MED27: variants seen among roughly 807,000 people sequenced by gnomAD.
MED27 encodes mediator of RNA polymerase II transcription subunit 27.
A neutral mutation model predicts 38.2 loss-of-function variants in MED27; 30 were observed. The observed-to-expected ratio is 0.79, with a 90% confidence interval of 0.59 to 1.07. The LOEUF (loss-of-function observed/expected upper bound fraction) is 1.07. Among genes scored for constraint, MED27 ranks in the 50% least tolerant of loss-of-function variants. The probability of loss-of-function intolerance (pLI) is 0.00; values close to 1 mark genes in which losing one functional copy is unlikely to be tolerated. For synonymous variants in MED27, 122 were observed against 153.5 expected (o/e 0.79, Z 1.52); for missense variants, 289 against 397.5 (o/e 0.73, Z 2.32).
At chr9:132,047,842 T>C (rs1589288131) in intron 2 of MED27, among the ~76,000 whole-genome samples, 1 of 152,126 alleles carries the variant, frequency 6.6e-6, no homozygotes, top group Admixed American at 6.5e-5. Flanking sequence ...TCATTGCATA[T>C]CAAGAATGAA....
chr9:131,966,809 TA>T (rs1317615277), intron 3 of MED27, among the ~76,000 whole-genome samples: 1 of 152,136 alleles, frequency 6.6e-6, no homozygotes, highest in Non-Finnish European at 1.5e-5. Flanking sequence ...TTTCCTCCTT[TA>T]CAAAAAATAC....
intron 3 of MED27, among the ~76,000 whole-genome samples, chr9:131,988,998 G>A (rs993282647): frequency 6.6e-6 from 1 of 151,982 alleles, no homozygotes; most frequent in African/African-American, 2.4e-5. Flanking sequence ...TGTTCCATAG[G>A]TACACGACTG....
At chr9:132,010,471 T>TG (rs1329775556) in intron 3 of MED27, among the ~76,000 whole-genome samples, 4 of 152,236 alleles carry the variant, frequency 2.6e-5, no homozygotes, top group Non-Finnish European at 5.9e-5. Context: ...GAAGACAGCG[T>TG]GGTGATTCCT....
At chr9:132,032,844 C>G (rs1832992315) in intron 2 of MED27, among the ~76,000 whole-genome samples, 1 of 152,120 alleles carries the variant, frequency 6.6e-6, no homozygotes. Flanking sequence ...TGGGGATCAC[C>G]TAGTCCCGCG....
At chr9:132,055,467 A>C (rs974859466) in intron 2 of MED27, among the ~76,000 whole-genome samples, 1 of 152,198 alleles carries the variant, frequency 6.6e-6, no homozygotes, top group Non-Finnish European at 1.5e-5. Flanking sequence ...TAACCTTGGG[A>C]CCATCGAAAA....
At chr9:132,050,303 G>A (rs1341968581) in intron 2 of MED27, among the ~76,000 whole-genome samples, 2 of 152,202 alleles carry the variant, frequency 1.3e-5, no homozygotes, top group Non-Finnish European at 2.9e-5. Context: ...ACAGAAAATG[G>A]AACAGTCTGA....
intron 4 of MED27, among the ~76,000 whole-genome samples, chr9:131,937,741 A>G (rs749748723): frequency 2.0e-5 from 3 of 152,164 alleles, no homozygotes; most frequent in Non-Finnish European, 4.4e-5. Flanking sequence ...GGGCCCTGTC[A>G]GGTATGCTGA....
intron 3 of MED27, among the ~76,000 whole-genome samples, chr9:132,004,519 G>A (rs1257311015): frequency 6.6e-6 from 1 of 152,074 alleles, no homozygotes; most frequent in Non-Finnish European, 1.5e-5. Flanking sequence ...CACAAGCCCC[G>A]GGGGCCTGCT....
At chr9:131,943,927 T>C (rs1352731769) in intron 3 of MED27, among the ~76,000 whole-genome samples, 1 of 152,228 alleles carries the variant, frequency 6.6e-6, no homozygotes, top group African/African-American at 2.4e-5. Flanking sequence ...AACTTCAGTA[T>C]GTTCGGATAG....
intron 3 of MED27, among the ~76,000 whole-genome samples, chr9:131,970,503 C>T (rs987739604): frequency 4.6e-5 from 7 of 152,294 alleles, no homozygotes; most frequent in Non-Finnish European, 8.8e-5. Flanking sequence ...AAGGTGAACC[C>T]GAACAGGACA....
intron 6 of MED27, among the ~76,000 whole-genome samples, chr9:131,881,451 G>A (rs575337835): frequency 3.9e-5 from 6 of 152,288 alleles, no homozygotes; most frequent in Non-Finnish European, 7.4e-5. Context: ...GAAGGAAGGA[G>A]GGAGGGAGGA....
chr9:132,064,622 C>T (rs1202260409), intron 2 of MED27, among the ~76,000 whole-genome samples: 2 of 152,164 alleles, frequency 1.3e-5, no homozygotes, highest in Non-Finnish European at 2.9e-5. Context: ...GAAACTGGTG[C>T]CATGCCAAAG....
At chr9:131,943,790 G>A (rs185747745) in intron 3 of MED27, among the ~76,000 whole-genome samples, 8 of 152,230 alleles carry the variant, frequency 5.3e-5, no homozygotes, top group East Asian at 3.9e-4. Context: ...GAAGGCTTTC[G>A]AAAATGGAGA....
chr9:132,007,221 A>C (rs1832377204), intron 3 of MED27, among the ~76,000 whole-genome samples: 1 of 152,178 alleles, frequency 6.6e-6, no homozygotes, highest in African/African-American at 2.4e-5. Flanking sequence ...ATTGTTACTC[A>C]AACCTGAGAG....
At chr9:132,072,593 G>C (rs1833965116) in intron 2 of MED27, among the ~76,000 whole-genome samples, 1 of 152,016 alleles carries the variant, frequency 6.6e-6, no homozygotes, top group East Asian at 1.9e-4. Flanking sequence ...AGGGTGTAGG[G>C]TTCAAGGCTA....
At chr9:131,930,206 C>T (rs536827166) in intron 4 of MED27, among the ~76,000 whole-genome samples, 2 of 152,316 alleles carry the variant, frequency 1.3e-5, no homozygotes, top group Admixed American at 6.5e-5. Flanking sequence ...GGGGTAACAT[C>T]AGATCACTGT....
intron 1 of MED27, among the ~76,000 whole-genome samples, chr9:132,078,752 T>C (rs1834110885): frequency 6.6e-6 from 1 of 152,152 alleles, no homozygotes; most frequent in South Asian, 2.1e-4. Context: ...TCAGGTCAGT[T>C]CTGAGAAGTA....
At chr9:132,014,586 C>A in intron 2 of MED27, 119 bp from the exon 3 acceptor site, 2 of 950,864 alleles carry the variant, frequency 2.1e-6, no homozygotes, top group African/African-American at 1.7e-5. Context: ...TAAGTAACTT[C>A]AAATACAACT....
At chr9:131,880,850 A>G (rs1839023643) in intron 6 of MED27, among the ~76,000 whole-genome samples, 1 of 152,178 alleles carries the variant, frequency 6.6e-6, no homozygotes, top group Non-Finnish European at 1.5e-5. Flanking sequence ...TATACATTTT[A>G]CAACTTCCTA....
Sources: gnomAD v4.1 joint callset for allele counts (sites outside exome capture counted in the v4.1 genomes callset) on GRCh38, gnomAD v4.1.1 for gene constraint, MANE v1.5 for transcripts, NCBI Gene and HGNC (gene_info 2026-07-23, HGNC 2026-07-21) for gene names.